Variants in GMCL1 observed in about 807,000 individuals in gnomAD.
The protein encoded by GMCL1 is germ cell-less 1, spermatogenesis associated, also known as germ cell-less protein-like 1.
In GMCL1, 54 loss-of-function variants were observed where a neutral mutation model predicts 75.5. The ratio of observed to expected loss-of-function variants is 0.71; its 90% CI spans 0.57 to 0.90. The LOEUF is 0.90. Among genes scored for constraint, GMCL1 ranks in the 40% least tolerant of loss-of-function variants. The pLI is 0.00. For missense variants in GMCL1, 537 were observed against 622.7 expected (o/e 0.86, Z 1.47); for synonymous variants, 210 against 209.6 (o/e 1.00, Z -0.02).
chr2:69,863,220 T>C (rs899990787), intron 10 of GMCL1, among the ~76,000 whole-genome samples: 2 of 152,118 alleles, frequency 1.3e-5, no homozygotes, highest in Non-Finnish European at 2.9e-5. Context: ...ATCCTACAAA[T>C]ACTGCATTTT....
rs1023618541 is a variant in GMCL1 at position 69,880,054 on chromosome 2, T to C, written c.*1050T>C. 6.6e-6 allele frequency: 1 copy of C among 152,324 alleles called. No homozygotes were observed. Among genetic ancestry groups the C allele is most frequent in the East Asian group, 1.9e-4 (1 of 5,188 alleles). The allele number at this position is 152,324 out of a possible 1,614,324, so 9.4% of individuals were successfully genotyped here. A position where few individuals can be genotyped will look rare whatever the true frequency, so the allele number is the denominator to read the frequency against. ...AGCATTAATGTAAAAATGGAACTTA[T>C]TTTTGTCAAAAATGAGATGTACACT... is the stretch of plus-strand genomic sequence containing the variant. On this transcript the variant is annotated 3_prime_UTR_variant, in exon 14 of 14. Coordinates refer to ENST00000282570, the MANE Select transcript of GMCL1 (RefSeq NM_178439.5).
chr2:69,844,229 C>T (rs200259207), intron 6 of GMCL1, 33 bp downstream of exon 6: 8 of 1,166,700 alleles, frequency 6.9e-6, no homozygotes, highest in African/African-American at 3.1e-5. Context: ...CATAATTAGT[C>T]ATCCTAAAAT....
chr2:69,862,549 C>G (rs185018446), intron 10 of GMCL1, among the ~76,000 whole-genome samples: 33 of 152,150 alleles, frequency 2.2e-4, no homozygotes, highest in Non-Finnish European at 4.4e-5. Context: ...CACCTGAGGT[C>G]AGGAGTTCGA....
chr2:69,856,796 A>G (rs1675482695), intron 9 of GMCL1, among the ~76,000 whole-genome samples: 1 of 151,822 alleles, frequency 6.6e-6, no homozygotes, highest in Non-Finnish European at 1.5e-5. Flanking sequence ...ATTGCATGCC[A>G]TCTGAGCCTG....
At chr2:69,838,336 CAA>C (rs71397366) in intron 2 of GMCL1, among the ~76,000 whole-genome samples, 309 of 31,456 alleles carry the variant, frequency 9.8e-3, no homozygotes, top group East Asian at 0.084. Context: ...GACTCTGTCT[CAA>C]AAAAAAAAAA....
chr2:69,852,444 A>C (rs1675343270), intron 8 of GMCL1, among the ~76,000 whole-genome samples: 1 of 152,206 alleles, frequency 6.6e-6, no homozygotes, highest in African/African-American at 2.4e-5. Flanking sequence ...AGTCATTTTC[A>C]ATAGTTTTAA....
intron 1 of GMCL1, among the ~76,000 whole-genome samples, chr2:69,833,049 C>T (rs1674718849): frequency 6.6e-6 from 1 of 152,064 alleles, no homozygotes; most frequent in South Asian, 2.1e-4. Flanking sequence ...AAAGTTTGCT[C>T]AAGTGTGGTA....
At chr2:69,846,999 ATTTT>A (rs563722124) in intron 6 of GMCL1, among the ~76,000 whole-genome samples, 2 of 133,052 alleles carry the variant, frequency 1.5e-5, no homozygotes, top group Non-Finnish European at 1.6e-5. Context: ...TGATTGGCTA[ATTTT>A]TTTTTTTTTT....
chr2:69,851,910 A>G (rs1185058292), intron 8 of GMCL1, among the ~76,000 whole-genome samples: 9 of 152,262 alleles, frequency 5.9e-5, no homozygotes, highest in South Asian at 2.1e-4. Flanking sequence ...AATTTTCTAT[A>G]AAGTTCCTGA....
chr2:69,862,573 G>A (rs189697581), intron 10 of GMCL1, among the ~76,000 whole-genome samples: 2 of 152,134 alleles, frequency 1.3e-5, no homozygotes, highest in East Asian at 1.9e-4. Context: ...AAGCCTGACC[G>A]AGATGGAGAA....
intron 8 of GMCL1, among the ~76,000 whole-genome samples, chr2:69,852,841 T>A (rs1257622850): frequency 6.6e-6 from 1 of 152,204 alleles, no homozygotes; most frequent in Non-Finnish European, 1.5e-5. Context: ...ACCTGCCATA[T>A]ATTTTTGTAT....
chr2:69,854,738 A>T, intron 8 of GMCL1, 85 bp from the exon 9 acceptor site: 2 of 1,049,530 alleles, frequency 1.9e-6, no homozygotes, highest in Non-Finnish European at 2.8e-6. Context: ...AATAGACATG[A>T]ATGTACGTAT....
intron 2 of GMCL1, among the ~76,000 whole-genome samples, chr2:69,839,177 C>G (rs989643490): frequency 6.6e-6 from 1 of 152,142 alleles, no homozygotes; most frequent in African/African-American, 2.4e-5. Flanking sequence ...TAACCAGGTT[C>G]AAATAATATA....
intron 10 of GMCL1, among the ~76,000 whole-genome samples, chr2:69,863,681 A>T (rs1012512577): frequency 1.2e-4 from 18 of 152,236 alleles, no homozygotes; most frequent in Non-Finnish European, 2.5e-4. Context: ...TAAAAGTTAC[A>T]GAATAAATGC....
At chr2:69,865,390 A>G (rs996561939) in intron 11 of GMCL1, among the ~76,000 whole-genome samples, 14 of 152,182 alleles carry the variant, frequency 9.2e-5, no homozygotes, top group African/African-American at 3.1e-4. Flanking sequence ...GCTCACGCCT[A>G]TAATCCCAGC....
intron 13 of GMCL1, among the ~76,000 whole-genome samples, chr2:69,876,981 C>G (rs565005423): frequency 6.6e-6 from 1 of 152,238 alleles, no homozygotes; most frequent in East Asian, 1.9e-4. Context: ...GAGTCAGACC[C>G]TGTCTCAAAA....
chr2:69,858,910 G>C (rs568596307), intron 9 of GMCL1, among the ~76,000 whole-genome samples: 47 of 152,198 alleles, frequency 3.1e-4, no homozygotes, highest in African/African-American at 1.1e-3. Flanking sequence ...CACTTTGGAA[G>C]GCCGAGGCAG....
intron 3 of GMCL1, among the ~76,000 whole-genome samples, chr2:69,840,336 G>C (rs1241443391): frequency 6.6e-6 from 1 of 152,010 alleles, no homozygotes; most frequent in Non-Finnish European, 1.5e-5. Context: ...CGTGAACCCG[G>C]GAGGCAGAGC....
rs201292367 is a variant in GMCL1, at chr2:69,875,700, C to CT, written c.1453-3196dup. 6.8e-3 allele frequency among the ~76,000 whole-genome samples: 973 copies of CT among 143,762 alleles called. 10 individuals carry two copies. Among genetic ancestry groups the CT allele is most frequent in the African/African-American group, 0.02 (787 of 39,324 alleles). The allele number at this position is 143,762 out of a possible 152,430, so 94.3% of individuals were successfully genotyped here. On this transcript the variant is annotated intron_variant, in intron 13 of 13. Transcript: ENST00000282570. ...GTATAACACTTAGTATTTTACATTT[C>CT]TTTTTTTTTTTTTGAAACGGAGTCT...
Sources: allele counts gnomAD v4.1 joint callset (sites outside exome capture counted in the v4.1 genomes callset), GRCh38; gene constraint gnomAD v4.1.1; transcripts MANE v1.5; gene names NCBI Gene and HGNC (gene_info 2026-07-23, HGNC 2026-07-21).